DERA: variants seen among roughly 807,000 people sequenced by gnomAD.
The protein encoded by DERA is 2-deoxy-D-ribose 5-phosphate aldolase.
Under a neutral mutation model 41.1 loss-of-function variants are expected in DERA, and 15 were observed. The observed-to-expected ratio is 0.37, with a 90% CI of 0.24 to 0.56. DERA has a LOEUF of 0.56. Ranked by LOEUF, DERA falls within the 20% of genes least tolerant of loss-of-function variation. DERA has a pLI of 0.81. For missense variants in DERA, 396 were observed against 403.4 expected (o/e 0.98, Z 0.16); for synonymous variants, 139 against 137.4 (o/e 1.01, Z -0.08).
At chr12:15,960,354 C>A (rs1037154583) in intron 4 of DERA, among the ~76,000 whole-genome samples, 1 of 150,594 alleles carries the variant, frequency 6.6e-6, no homozygotes, top group African/African-American at 2.4e-5. Context: ...TAATGATATG[C>A]GGGCTGGGGA....
At chr12:15,958,750 G>C (rs186196213) in intron 3 of DERA, among the ~76,000 whole-genome samples, 1 of 152,172 alleles carries the variant, frequency 6.6e-6, no homozygotes, top group East Asian at 1.9e-4. Context: ...TGAAAATAAA[G>C]TGCAAATGAG....
At position 16,010,950 on chromosome 12, in the gene DERA, G is replaced by A. The variant is rs1053293551; in HGVS notation, c.638-21592G>A. On this transcript the variant is annotated intron_variant, in intron 6 of 8. Coordinates refer to ENST00000428559, the MANE Select transcript of DERA (RefSeq NM_015954.4). This position sits in a 1 kb window ranked among gnomAD's most constrained non-coding sequence, Gnocchi z 5.5. ...ATTGAGGTATGATAATCTCAAATAC[G>A]TTCTGCATTGTTTTTAAAAGCTTTG... Among the ~76,000 whole-genome samples, 5 of 151,904 alleles carry A rather than the reference G, an allele frequency of 3.3e-5. No individual in the cohort carries two copies. Among genetic ancestry groups the A allele is most frequent in the Non-Finnish European group, 4.4e-5 (3 of 67,976 alleles).
intron 1 of DERA, among the ~76,000 whole-genome samples, chr12:15,942,331 A>T (rs1428513818): frequency 6.6e-6 from 1 of 151,134 alleles, no homozygotes; most frequent in Non-Finnish European, 1.5e-5. Context: ...AACTTTGCTA[A>T]TTTTTTTTTG....
chr12:15,969,371 A>G (rs1948644864), intron 5 of DERA, among the ~76,000 whole-genome samples: 1 of 152,222 alleles, frequency 6.6e-6, no homozygotes, highest in Non-Finnish European at 1.5e-5. Flanking sequence ...ATCTAGCTCC[A>G]TGAGCTGAGG....
In DERA at chr12:15,982,446, T is replaced by C. The variant is rs1383593082; in HGVS notation, c.637+10T>C. 1 of 1,597,014 alleles carries C rather than the reference T, an allele frequency of 6.3e-7. No homozygotes were observed. Among genetic ancestry groups the C allele is most frequent in the Non-Finnish European group, 8.5e-7 (1 of 1,174,824 alleles). On this transcript the variant is annotated intron_variant, in intron 6 of 8. Coordinates refer to ENST00000428559, the MANE Select transcript of DERA (RefSeq NM_015954.4). The surrounding 1 kb of genome is among the most constrained non-coding windows in gnomAD (Gnocchi z 4.0). ...ATAGCAATGATGGCAGGTAAGTGTTTTATGTTCAAATAATGTTTTCTATTG... is the reference window on the plus strand; with the variant it reads ...ATAGCAATGATGGCAGGTAAGTGTTCTATGTTCAAATAATGTTTTCTATTG...
chr12:15,953,051 C>G (rs1948510367), intron 1 of DERA, among the ~76,000 whole-genome samples: 1 of 152,152 alleles, frequency 6.6e-6, no homozygotes, highest in African/African-American at 2.4e-5. Context: ...CCACTAGATA[C>G]AAGTGGCACC....
At chr12:16,022,940 A>G (rs1404783716) in intron 6 of DERA, among the ~76,000 whole-genome samples, 1 of 152,168 alleles carries the variant, frequency 6.6e-6, no homozygotes. Flanking sequence ...GAAGATAATC[A>G]TTGTGCAATA....
At position 15,994,485 on chromosome 12, in the gene DERA, G is replaced by T. The variant is rs959956592; in HGVS notation, c.637+12049G>T. Among the ~76,000 whole-genome samples, 1 of 152,138 alleles carries T rather than the reference G, an allele frequency of 6.6e-6. No individual in the cohort carries two copies. The highest frequency in any genetic ancestry group is 2.4e-5 in the African/African-American group (1 of 41,416). On this transcript the variant is annotated intron_variant, in intron 6 of 8. Coordinates refer to ENST00000428559, the MANE Select transcript of DERA (RefSeq NM_015954.4). This position sits in a 1 kb window ranked among gnomAD's most constrained non-coding sequence, Gnocchi z 4.8. ...ATTCTTTTTTTTGAGACGGAGTCTC[G>T]TTCTGTCGCCCAGGCTGGAGTGCAG...
Position 15,959,925 on chromosome 12 carries a change from G to A in DERA, c.373+1G>A, listed in dbSNP as rs775023184. 19 of 1,537,680 alleles carry A rather than the reference G, an allele frequency of 1.2e-5. 1 individual carries two copies. The highest frequency in any genetic ancestry group is 1.5e-5 in the Non-Finnish European group (17 of 1,136,280). ...GGCTGTAATATCCCTGTGGCATCAG[G>A]TAAAATGTGTTGTGGCTTTTGTTGT... On this transcript the variant is annotated splice_donor_variant, in intron 4 of 8. Coordinates refer to ENST00000428559, the MANE Select transcript of DERA (RefSeq NM_015954.4). LOFTEE classifies it high-confidence loss of function. This position sits in a 1 kb window ranked among gnomAD's most constrained non-coding sequence, Gnocchi z 4.5.
At chr12:15,961,582 G>A (rs1948588343) in intron 4 of DERA, among the ~76,000 whole-genome samples, 1 of 152,020 alleles carries the variant, frequency 6.6e-6, no homozygotes, top group Non-Finnish European at 1.5e-5. Flanking sequence ...AAAGAAACAT[G>A]GTGCACAGTA....
At chr12:15,958,071 G>A in intron 2 of DERA, 117 bp from the exon 3 acceptor site, 3 of 748,812 alleles carry the variant, frequency 4.0e-6, no homozygotes, top group Non-Finnish European at 4.2e-6. Flanking sequence ...AACAGTGTAG[G>A]CATAAGATAT....
chr12:16,032,946 T>G (rs1949102958), intron 7 of DERA: 2 of 306,098 alleles, frequency 6.5e-6, no homozygotes, highest in Non-Finnish European at 1.2e-5. Flanking sequence ...GATTCCTAAA[T>G]GGGTTCTTTA....
At chr12:15,955,769 G>C (rs1948533613) in intron 1 of DERA, among the ~76,000 whole-genome samples, 1 of 152,096 alleles carries the variant, frequency 6.6e-6, no homozygotes, top group African/African-American at 2.4e-5. Flanking sequence ...GTAAACATTA[G>C]TTTAGATGCA....
Position 16,000,373 on chromosome 12 carries a change from A to AT in DERA, c.637+17943dup, listed in dbSNP as rs1225101918. ...AGGCTATGAAGGTGAAAGAAAGGCTATTTTTTGGTTTAGAAAACATTAGCA... is the reference window on the plus strand; with the variant it reads ...AGGCTATGAAGGTGAAAGAAAGGCTATTTTTTTGGTTTAGAAAACATTAGCA... On this transcript the variant is annotated intron_variant, in intron 6 of 8. Coordinates refer to ENST00000428559, the MANE Select transcript of DERA (RefSeq NM_015954.4). The surrounding 1 kb of genome is among the most constrained non-coding windows in gnomAD (Gnocchi z 4.8). Among the ~76,000 whole-genome samples, 2 of 152,334 alleles carry AT rather than the reference A, an allele frequency of 1.3e-5. No individual in the cohort carries two copies. Among genetic ancestry groups the AT allele is most frequent in the South Asian group, 2.1e-4 (1 of 4,830 alleles).
intron 5 of DERA, among the ~76,000 whole-genome samples, chr12:15,980,097 C>T (rs1278918874): frequency 6.6e-6 from 1 of 152,200 alleles, no homozygotes; most frequent in Non-Finnish European, 1.5e-5. Flanking sequence ...TAACACAACA[C>T]TTAGTGGAAA....
chr12:15,943,411 G>T lies in DERA; in HGVS notation c.32-13525G>T, dbSNP rs183052936. On this transcript the variant is annotated intron_variant, in intron 1 of 8. Coordinates refer to ENST00000428559, the MANE Select transcript of DERA (RefSeq NM_015954.4). This position sits in a 1 kb window ranked among gnomAD's most constrained non-coding sequence, Gnocchi z 4.5. The stretch of plus-strand genomic sequence containing the variant: ...ACTTGACTTTCGCACCACAGCCAGA[G>T]GGGTTATTTAAAAATGTAAATCAGA... Among the ~76,000 whole-genome samples the T allele has an allele frequency of 6.6e-6, 1 of 152,316 alleles. No homozygotes were observed. Among genetic ancestry groups the T allele is most frequent in the African/African-American group, 2.4e-5 (1 of 41,578 alleles).
chr12:15,961,442 C>T (rs1340850893), intron 4 of DERA, among the ~76,000 whole-genome samples: 1 of 152,028 alleles, frequency 6.6e-6, no homozygotes, highest in East Asian at 1.9e-4. Flanking sequence ...TGGGGGGGCT[C>T]AGGCGAGAGG....
At chr12:15,978,545 C>A (rs115659759) in intron 5 of DERA, among the ~76,000 whole-genome samples, 2,714 of 152,186 alleles carry the variant, frequency 0.018, 86 homozygotes, top group African/African-American at 0.063. Flanking sequence ...TTAGAGAAAT[C>A]GAATAATTCC....
chr12:15,956,904 G>A (rs779390653), intron 1 of DERA, 32 bp from the exon 2 acceptor site: 2 of 1,480,364 alleles, frequency 1.4e-6, no homozygotes, highest in Non-Finnish European at 1.9e-6. Context: ...TGAAACTTTA[G>A]GTTTCAGAAA....
Sources: gnomAD v4.1 joint callset for allele counts (sites outside exome capture counted in the v4.1 genomes callset) on GRCh38, gnomAD v4.1.1 for gene constraint, Gnocchi (gnomAD v3.1) non-coding constraint, MANE v1.5 for transcripts, NCBI Gene and HGNC (gene_info 2026-07-23, HGNC 2026-07-21) for gene names.